PTPRT: variants seen among roughly 807,000 people sequenced by gnomAD.
The protein encoded by PTPRT is receptor-type tyrosine-protein phosphatase T.
Under a neutral mutation model 176.8 loss-of-function variants are expected in PTPRT, and 56 were observed. The observed-to-expected ratio is 0.32, with a 90% CI of 0.26 to 0.40. The LOEUF is 0.40. Among genes scored for constraint, PTPRT ranks in the 10% least tolerant of loss-of-function variants. The probability of loss-of-function intolerance (pLI) is 1.00; values close to 1 mark genes in which losing one functional copy is unlikely to be tolerated. For missense variants in PTPRT, 1,540 were observed against 1,908.2 expected (o/e 0.81, Z 3.60); for synonymous variants, 783 against 739.0 (o/e 1.06, Z -0.96).
chr20:43,023,883 C>T (rs206157), intron 1 of PTPRT, among the ~76,000 whole-genome samples: 103,641 of 152,108 alleles, frequency 0.68, 38,212 homozygotes, highest in South Asian at 0.9. Context: ...GAGGTTCCCC[C>T]GAGACAAACA....
At chr20:42,118,311 T>G in intron 21 of PTPRT, 92 bp downstream of exon 21, 1 of 1,135,128 alleles carries the variant, frequency 8.8e-7, no homozygotes. Context: ...AAATACTGAC[T>G]AGGAGGCACT....
intron 2 of PTPRT, among the ~76,000 whole-genome samples, chr20:42,823,170 A>C (rs1175894194): frequency 6.6e-6 from 1 of 152,254 alleles, no homozygotes; most frequent in Non-Finnish European, 1.5e-5. Context: ...GGATAAAGAA[A>C]ATGTGGTAAA....
chr20:42,087,655 C>T (rs963081540), intron 27 of PTPRT, among the ~76,000 whole-genome samples: 27 of 150,598 alleles, frequency 1.8e-4, no homozygotes, highest in Non-Finnish European at 3.5e-4. Context: ...GTGGGTGGAT[C>T]GTGAGGTCAG....
At chr20:42,421,434 G>A (rs1285047147) in intron 9 of PTPRT, among the ~76,000 whole-genome samples, 1 of 152,126 alleles carries the variant, frequency 6.6e-6, no homozygotes, top group Non-Finnish European at 1.5e-5. Context: ...ATCACAGTCA[G>A]GACAAGAAAC....
chr20:43,062,132 G>C (rs1032655847), intron 1 of PTPRT, among the ~76,000 whole-genome samples: 5 of 152,164 alleles, frequency 3.3e-5, no homozygotes, highest in African/African-American at 1.2e-4. Flanking sequence ...CCATTTCTAG[G>C]TAATGAAAAT....
intron 15 of PTPRT, among the ~76,000 whole-genome samples, chr20:42,224,285 T>C (rs745371492): frequency 1.1e-4 from 16 of 152,192 alleles, no homozygotes; most frequent in Non-Finnish European, 1.9e-4. Context: ...TGAGTAGTGA[T>C]TGTTGCAAGA....
At chr20:43,090,504 G>A (rs1238254540) in intron 1 of PTPRT, among the ~76,000 whole-genome samples, 4 of 151,988 alleles carry the variant, frequency 2.6e-5, no homozygotes, top group Admixed American at 6.6e-5. Context: ...TTCTGACCTC[G>A]TGATCCACCC....
intron 7 of PTPRT, among the ~76,000 whole-genome samples, chr20:42,557,062 C>CAT (rs1324444069): frequency 6.6e-6 from 1 of 152,080 alleles, no homozygotes; most frequent in Non-Finnish European, 1.5e-5. Flanking sequence ...CAGAAGGCAA[C>CAT]CCAGTGTGGC....
intron 12 of PTPRT, among the ~76,000 whole-genome samples, chr20:42,302,304 A>T (rs1477189019): frequency 6.6e-6 from 1 of 152,218 alleles, no homozygotes; most frequent in Non-Finnish European, 1.5e-5. Flanking sequence ...AGCATGGCAT[A>T]CAAAGCCCAG....
chr20:42,123,849 G>A (rs966212206), intron 19 of PTPRT, among the ~76,000 whole-genome samples: 14 of 152,048 alleles, frequency 9.2e-5, no homozygotes, highest in Non-Finnish European at 5.9e-5. Context: ...ACTTTCTCTG[G>A]CTTACTTTTC....
intron 1 of PTPRT, among the ~76,000 whole-genome samples, chr20:43,050,217 A>G (rs1986990499): frequency 6.6e-6 from 1 of 152,230 alleles, no homozygotes; most frequent in Admixed American, 6.5e-5. Flanking sequence ...CTGTTGGAAA[A>G]CAGGGAGAGA....
chr20:42,198,865 G>C (rs995297870), intron 16 of PTPRT, among the ~76,000 whole-genome samples: 3 of 152,172 alleles, frequency 2.0e-5, no homozygotes, highest in Non-Finnish European at 2.9e-5. Flanking sequence ...TGGTGTATAT[G>C]AAACACAGAT....
At chr20:42,815,002 GGGTACA>G (rs1476855401) in intron 2 of PTPRT, among the ~76,000 whole-genome samples, 1 of 152,010 alleles carries the variant, frequency 6.6e-6, no homozygotes, top group Non-Finnish European at 1.5e-5. Context: ...AAAGCAATGG[GGGTACA>G]GGTGAGAATG....
chr20:42,557,195 T>C (rs921717175), intron 7 of PTPRT, among the ~76,000 whole-genome samples: 8 of 152,150 alleles, frequency 5.3e-5, no homozygotes, highest in African/African-American at 1.9e-4. Flanking sequence ...GATTCCTTCA[T>C]TCACTTATTT....
chr20:42,912,170 C>T (rs1256284306), intron 1 of PTPRT, among the ~76,000 whole-genome samples: 1 of 152,082 alleles, frequency 6.6e-6, no homozygotes, highest in Non-Finnish European at 1.5e-5. Context: ...CTACTATCTG[C>T]AATGTATAAG....
intron 7 of PTPRT, among the ~76,000 whole-genome samples, chr20:42,674,806 A>G (rs967062244): frequency 6.6e-6 from 1 of 152,212 alleles, no homozygotes; most frequent in Non-Finnish European, 1.5e-5. Flanking sequence ...CAAGCAACAA[A>G]AATACCTGGG....
At chr20:42,379,051 A>G (rs1343848205) in intron 9 of PTPRT, among the ~76,000 whole-genome samples, 1 of 152,178 alleles carries the variant, frequency 6.6e-6, no homozygotes, top group African/African-American at 2.4e-5. Flanking sequence ...TGCACTTGGA[A>G]TGCTGCATTT....
chr20:42,886,565 A>T (rs1212923822), intron 1 of PTPRT, among the ~76,000 whole-genome samples: 1 of 152,208 alleles, frequency 6.6e-6, no homozygotes, highest in Admixed American at 6.5e-5. Context: ...TGAGAATCGA[A>T]TTGGTAAGAA....
chr20:43,089,718 A>T (rs1157581501), intron 1 of PTPRT, among the ~76,000 whole-genome samples: 4 of 152,196 alleles, frequency 2.6e-5, no homozygotes, highest in Non-Finnish European at 5.9e-5. Flanking sequence ...AGTTGGAGGA[A>T]GGGCACCAAT....
Sources: allele counts gnomAD v4.1 joint callset (sites outside exome capture counted in the v4.1 genomes callset), GRCh38; gene constraint gnomAD v4.1.1; transcripts MANE v1.5; gene names NCBI Gene and HGNC (gene_info 2026-07-23, HGNC 2026-07-21).